Variants in NBEAL2 observed in about 807,000 individuals in gnomAD.
NBEAL2 encodes neurobeachin like 2, also known as neurobeachin-like protein 2.
A neutral mutation model predicts 299.8 loss-of-function variants in NBEAL2; 160 were observed. That is an observed-to-expected ratio of 0.53 (90% CI 0.47 to 0.61). The LOEUF (loss-of-function observed/expected upper bound fraction) is 0.61. Among genes scored for constraint, NBEAL2 ranks in the 20% least tolerant of loss-of-function variants. NBEAL2 has a pLI of 0.00. For synonymous variants in NBEAL2, 1,493 were observed against 1,542.3 expected, an observed-to-expected ratio of 0.97 and a Z score of 0.75; for missense variants, 3,112 against 3,649.0, an observed-to-expected ratio of 0.85 and a Z score of 3.79.
intron 10 of NBEAL2, 33 bp from the exon 11 acceptor site, chr3:46,993,904 C>T (rs2036283671): frequency 6.3e-7 from 1 of 1,585,802 alleles, no homozygotes; most frequent in African/African-American, 1.3e-5. Flanking sequence ...ACCCTGGCCC[C>T]TGCCTCTCCT....
In NBEAL2 at chr3:46,988,992, C is replaced by T. The variant is rs1462220994; in HGVS notation, c.269+22C>T. Reference sequence around the variant, plus strand: ...GCAGGTGTCTCTGTTGTCCACTCTACAAGCAGGGGCCTAGAACTGTGGGCC... The same window carrying T: ...GCAGGTGTCTCTGTTGTCCACTCTATAAGCAGGGGCCTAGAACTGTGGGCC... On this transcript the variant is annotated intron_variant, in intron 3 of 53. Coordinates refer to ENST00000450053, the MANE Select transcript of NBEAL2 (RefSeq NM_015175.3). The surrounding 1 kb of genome is among the most constrained non-coding windows in gnomAD (Gnocchi z 4.4). 6.2e-7 allele frequency: 1 copy of T among 1,612,598 alleles called. No individual in the cohort carries two copies. Among genetic ancestry groups the T allele is most frequent in the Non-Finnish European group, 8.5e-7 (1 of 1,179,254 alleles).
rs2037108609 is a variant in NBEAL2, at chr3:47,002,636, C to A, written c.5302-9C>A. The A allele has an allele frequency of 6.2e-7, 1 of 1,608,406 alleles. No homozygotes were observed. Among genetic ancestry groups the A allele is most frequent in the Non-Finnish European group, 8.5e-7 (1 of 1,178,362 alleles). On this transcript the variant is annotated splice_polypyrimidine_tract_variant and intron_variant, in intron 32 of 53. Transcript: ENST00000450053. The stretch of plus-strand genomic sequence containing the variant: ...CAGCCAGGGGACTGACCTATTACCC[C>A]CACCCCAGGAGCTGGTGCTGGAACC...
intron 10 of NBEAL2, among the ~76,000 whole-genome samples, chr3:46,993,460 G>A (rs1229852586): frequency 1.3e-5 from 2 of 152,220 alleles, no homozygotes; most frequent in African/African-American, 4.8e-5. Flanking sequence ...CTAGGGGGAA[G>A]GGGCAAGGTG....
Position 46,995,159 on chromosome 3 carries a change from T to G in NBEAL2, c.1424T>G (p.Leu475Arg), listed in dbSNP as rs1433018265. ...CTGCGGCTCTTCCTAGCGCAACGCC[T>G]CAGGTGGCTCTGTGACAGCTGCCCT... ...AELRLFLAQR[L>R]RWLCDSCPAS... is the part of the protein sequence containing the mutation. The change falls in exon 13 of 54, where the codon CTC becomes CGC. Residue 475 changes from leucine to arginine, a missense_variant. Coordinates refer to ENST00000450053, the MANE Select transcript of NBEAL2 (RefSeq NM_015175.3). The G allele has an allele frequency of 1.3e-6, 2 of 1,570,740 alleles. No individual in the cohort carries two copies. The highest frequency in any genetic ancestry group is 3.7e-5 in the Admixed American group (2 of 54,614).
intron 1 of NBEAL2, among the ~76,000 whole-genome samples, chr3:46,985,929 G>A (rs2035644110): frequency 6.6e-6 from 1 of 152,210 alleles, no homozygotes; most frequent in Non-Finnish European, 1.5e-5. Flanking sequence ...ATGCAGCACT[G>A]CCACCATGCT....
Position 47,003,234 on chromosome 3 carries a change from C to A in NBEAL2, c.5645C>A (p.Ala1882Asp). Residue 1882 changes from alanine (A) to aspartate (D), a missense_variant, in exon 35 of 54, where the codon GCC (alanine) becomes GAC (aspartate). Physicochemically the swap from Ala to Asp is moderately radical, Grantham distance 126. This residue lies in a region of NBEAL2 where 2,243 missense variants were observed against 2,538.1 expected (regional missense o/e 0.88). Coordinates refer to ENST00000450053, the MANE Select transcript of NBEAL2 (RefSeq NM_015175.3). This position sits in a 1 kb window ranked among gnomAD's most constrained non-coding sequence, Gnocchi z 7.0. Reference sequence around the variant, plus strand: ...CTGCCTCTGGCAGTGACCAAAGAGGCCAAAGTGAGCACCCCACCCGAGTTG... The same window carrying A: ...CTGCCTCTGGCAGTGACCAAAGAGGACAAAGTGAGCACCCCACCCGAGTTG... ...ASLPLAVTKE[A>D]KVSTPPELLQ... The A allele has an allele frequency of 6.2e-7, 1 of 1,613,212 alleles. No homozygotes were observed. Among genetic ancestry groups the A allele is most frequent in the Non-Finnish European group, 8.5e-7 (1 of 1,179,806 alleles).
chr3:46,998,340 T>C (rs1381867195), intron 21 of NBEAL2, 114 bp downstream of exon 21: 2 of 1,515,700 alleles, frequency 1.3e-6, no homozygotes, highest in South Asian at 1.2e-5. Flanking sequence ...CAGAATGCCA[T>C]GGGGCGGCTG....
In NBEAL2 at chr3:46,996,783, G is replaced by A. The variant is rs1455935488; in HGVS notation, c.2506G>A (p.Gly836Arg). ...PNETAPFKPE[G>R]ELHELSTRLL... ...TGAGACGGCACCCTTCAAGCCTGAG[G>A]GGGAGCTGCATGAGCTCAGCACCAG... Residue 836 changes from glycine to arginine, a missense_variant, in exon 17 of 54, where the codon GGG becomes AGG. Gly to Arg is a moderately radical substitution (Grantham distance 125, BLOSUM62 -2). Coordinates refer to ENST00000450053, the MANE Select transcript of NBEAL2 (RefSeq NM_015175.3). 1 of 1,612,598 alleles carries A rather than the reference G, an allele frequency of 6.2e-7. No homozygotes were observed. The highest frequency in any genetic ancestry group is 2.2e-5 in the East Asian group (1 of 44,878).
intron 16 of NBEAL2, 72 bp downstream of exon 16, chr3:46,996,664 TG>T: frequency 6.5e-7 from 1 of 1,533,470 alleles, no homozygotes. Context: ...AAGGCATCTC[TG>T]GGGGTCTCTC....
rs140354422 is a variant in NBEAL2, at chr3:46,996,494, G to A, written c.2375G>A (p.Arg792Gln). Residue 792 changes from arginine to glutamine, a missense_variant, in exon 16 of 54, where the codon CGG becomes CAG. Coordinates refer to ENST00000450053, the MANE Select transcript of NBEAL2 (RefSeq NM_015175.3). ...ACCCTCGCAGGCACCCAGGACACTC[G>A]GTGGGGCAGCCCCACATCCCTGGAG... is the stretch of plus-strand genomic sequence containing the variant. ...DSTLAGTQDT[R>Q]WGSPTSLEGE... 8.5e-4 allele frequency: 1,351 copies of A among 1,585,618 alleles called. 3 individuals are homozygous for A. The highest frequency in any genetic ancestry group is 1.3e-3 in the Middle Eastern group (8 of 5,940).
Position 47,001,457 on chromosome 3 carries a change from G to A in NBEAL2, c.4644+19G>A, listed in dbSNP as rs1449630483. 2.5e-6 allele frequency: 4 copies of A among 1,607,642 alleles called. No individual in the cohort carries two copies. Among genetic ancestry groups the A allele is most frequent in the South Asian group, 1.1e-5 (1 of 90,614 alleles). On this transcript the variant is annotated intron_variant, in intron 29 of 53. Coordinates refer to ENST00000450053, the MANE Select transcript of NBEAL2 (RefSeq NM_015175.3). This position sits in a 1 kb window ranked among gnomAD's most constrained non-coding sequence, Gnocchi z 6.1. ...TGAGAAGGTGCGACCCCTCAGAGAG[G>A]CGTGAGCCACATGAACACTCATGTT...
rs922267530 is a variant in NBEAL2 at position 47,002,626 on chromosome 3, C to T, written c.5302-19C>T. On this transcript the variant is annotated intron_variant, in intron 32 of 53. Coordinates refer to ENST00000450053, the MANE Select transcript of NBEAL2 (RefSeq NM_015175.3). ...GGGCAGGCAGCAGCCAGGGGACTGA[C>T]CTATTACCCCCACCCCAGGAGCTGG... The T allele has an allele frequency of 6.2e-7, 1 of 1,608,436 alleles. No individual in the cohort carries two copies. Among genetic ancestry groups the T allele is most frequent in the East Asian group, 2.2e-5 (1 of 44,752 alleles).
At chr3:46,992,388 C>A in intron 9 of NBEAL2, 87 bp from the exon 10 acceptor site, 1 of 1,279,600 alleles carries the variant, frequency 7.8e-7, no homozygotes, top group Non-Finnish European at 1.1e-6. Context: ...TGGCAGCTGC[C>A]CCTGGTCCTG....
rs936185 is a variant in NBEAL2 at position 46,994,135 on chromosome 3, G to A, written c.1197+115G>A. The A allele has an allele frequency of 0.99, 1,105,724 of 1,111,796 alleles. 550,086 individuals carry two copies. The highest frequency in any genetic ancestry group is 1 in the East Asian group (38,724 of 38,724). 68.9% of individuals were successfully genotyped at this position (1,111,796 alleles called of 1,614,324 possible). A position where few individuals can be genotyped will look rare whatever the true frequency, so the allele number is the denominator to read the frequency against. On this transcript the variant is annotated intron_variant, in intron 11 of 53. Transcript: ENST00000450053. Reference sequence around the variant, plus strand: ...GCATCCTGCTCCCTGGAGCAAAGCAGGCGAGCTGGGAGGTGACTGCCCTGC... The same window carrying A: ...GCATCCTGCTCCCTGGAGCAAAGCAAGCGAGCTGGGAGGTGACTGCCCTGC...
rs12152493 is a variant in NBEAL2 at position 46,988,171 on chromosome 3, G to A, written c.52-498G>A. The A allele has an allele frequency of 0.57, 501,757 of 885,002 alleles. 143,665 individuals carry two copies. The highest frequency in any genetic ancestry group is 0.57 in the Non-Finnish European group (386,329 of 673,314). 54.8% of individuals were successfully genotyped at this position (885,002 alleles called of 1,614,324 possible). On this transcript the variant is annotated intron_variant, in intron 1 of 53. Coordinates refer to ENST00000450053, the MANE Select transcript of NBEAL2 (RefSeq NM_015175.3). The surrounding 1 kb of genome is among the most constrained non-coding windows in gnomAD (Gnocchi z 4.4). Reference sequence around the variant, plus strand: ...TGGGTCTGCCTGTCTAATGGTACACGTGTGTCCTGGGATCCACAGTTAAAG... The same window carrying A: ...TGGGTCTGCCTGTCTAATGGTACACATGTGTCCTGGGATCCACAGTTAAAG...
At position 46,989,252 on chromosome 3, in the gene NBEAL2, A is replaced by G; in HGVS notation, c.352-8A>G. The G allele has an allele frequency of 1.2e-6, 2 of 1,612,094 alleles. No homozygotes were observed. Among genetic ancestry groups the G allele is most frequent in the Non-Finnish European group, 1.7e-6 (2 of 1,179,114 alleles). ...GGCGGGGCTAACCCTCTCTCCCCAC[A>G]CCTACAGCTGAAAGGATGCCCACCA... is the stretch of plus-strand genomic sequence containing the variant. On this transcript the variant is annotated splice_region_variant and splice_polypyrimidine_tract_variant and intron_variant, in intron 4 of 53. Transcript: ENST00000450053. This position sits in a 1 kb window ranked among gnomAD's most constrained non-coding sequence, Gnocchi z 5.5.
At position 46,996,036 on chromosome 3, in the gene NBEAL2, C is replaced by G. The variant is rs2036470727; in HGVS notation, c.2136C>G (p.Cys712Trp). 1 of 1,608,194 alleles carries G rather than the reference C, an allele frequency of 6.2e-7. No homozygotes were observed. The highest frequency in any genetic ancestry group is 1.7e-5 in the Admixed American group (1 of 59,334). The change falls in exon 15 of 54, where the codon TGC becomes TGG. Residue 712 changes from cysteine (C) to tryptophan (W), a missense_variant. Physicochemically the swap from Cys to Trp is radical, Grantham distance 215. Coordinates refer to ENST00000450053, the MANE Select transcript of NBEAL2 (RefSeq NM_015175.3). Reference sequence around the variant, plus strand: ...TGGTCAAGACAGCACCCCTTCGCTGCCCCTCCCTCAGTGAGGTGTGCCAAG... The same window carrying G: ...TGGTCAAGACAGCACCCCTTCGCTGGCCCTCCCTCAGTGAGGTGTGCCAAG... ...GHLVKTAPLRCPSLSEPFSSC... is the reference protein window; with the variant it reads ...GHLVKTAPLRWPSLSEPFSSC...
At position 47,002,662 on chromosome 3, in the gene NBEAL2, T is replaced by C; in HGVS notation, c.5319T>C (p.Pro1773=). 1 of 1,609,794 alleles carries C rather than the reference T, an allele frequency of 6.2e-7. No homozygotes were observed. The highest frequency in any genetic ancestry group is 8.5e-7 in the Non-Finnish European group (1 of 1,179,078). Reference sequence around the variant, plus strand: ...CACCCCAGGAGCTGGTGCTGGAACCTGCGCAGAGGCGGGCGCGCCTGGAGG... The same window carrying C: ...CACCCCAGGAGCTGGTGCTGGAACCCGCGCAGAGGCGGGCGCGCCTGGAGG... ...RRAFQELVLE[P]AQRRARLEGL... The change falls in exon 33 of 54, where the codon CCT becomes CCC. Residue 1773 remains proline (P), a synonymous_variant. Transcript: ENST00000450053.
chr3:46,994,634 C>T, intron 12 of NBEAL2, 81 bp downstream of exon 12: 1 of 1,220,442 alleles, frequency 8.2e-7, no homozygotes. Flanking sequence ...AGCTCTCCAC[C>T]CTGGGGGACC....
Sources: gnomAD v4.1 joint callset for allele counts (sites outside exome capture counted in the v4.1 genomes callset) on GRCh38, gnomAD v4.1.1 for gene constraint, gnomAD v4.1.1 regional missense constraint, Gnocchi (gnomAD v3.1) non-coding constraint, MANE v1.5 for transcripts, NCBI Gene and HGNC (gene_info 2026-07-23, HGNC 2026-07-21) for gene names.